Variants in GIPC2 observed in about 807,000 individuals in gnomAD.
GIPC2 encodes PDZ domain-containing protein GIPC2.
Under a neutral mutation model 30.6 loss-of-function variants are expected in GIPC2, and 30 were observed. That is an observed-to-expected ratio of 0.98 (90% confidence interval 0.73 to 1.33). The LOEUF is 1.33. Among genes scored for constraint, GIPC2 ranks in the 40% most tolerant of loss-of-function variants. The pLI, the probability that GIPC2 is intolerant of heterozygous loss-of-function variation, is 0.00. For missense variants in GIPC2, 414 were observed against 390.3 expected, an observed-to-expected ratio of 1.06 and a Z score of -0.51; for synonymous variants, 167 against 150.0, an observed-to-expected ratio of 1.11 and a Z score of -0.83.
chr1:78,077,976 C>T (rs1033552307), intron 1 of GIPC2, among the ~76,000 whole-genome samples: 1 of 151,822 alleles, frequency 6.6e-6, no homozygotes, highest in Non-Finnish European at 1.5e-5. Context: ...ATCACGAGGT[C>T]AGGAGATCGA....
intron 5 of GIPC2, among the ~76,000 whole-genome samples, chr1:78,131,148 T>G (rs1042460085): frequency 7.9e-5 from 7 of 88,948 alleles, no homozygotes; most frequent in African/African-American, 2.8e-4. Flanking sequence ...ATCTATTTTT[T>G]TCTTTTTTTC....
intron 3 of GIPC2, among the ~76,000 whole-genome samples, chr1:78,113,359 C>G (rs920960492): frequency 1.3e-5 from 2 of 152,134 alleles, no homozygotes; most frequent in African/African-American, 4.8e-5. Context: ...CAGGCATGTC[C>G]CATCATGCCT....
At chr1:78,135,515 A>C (rs1219070072) in intron 5 of GIPC2, 77 bp from the exon 6 acceptor site, 1 of 817,750 alleles carries the variant, frequency 1.2e-6, no homozygotes, top group African/African-American at 1.7e-5. Flanking sequence ...TTAGCAAGTA[A>C]TTTTCCTGTT....
intron 4 of GIPC2, among the ~76,000 whole-genome samples, chr1:78,122,458 G>A (rs529439586): frequency 1.2e-4 from 18 of 152,228 alleles, no homozygotes; most frequent in African/African-American, 4.3e-4. Context: ...TCACATTTCC[G>A]CATGGCTGGG....
At chr1:78,091,585 C>A (rs1407951903) in intron 2 of GIPC2, 4 of 760,218 alleles carry the variant, frequency 5.3e-6, no homozygotes. Flanking sequence ...CCAAGTCCTT[C>A]GCGATCTTCT....
intron 1 of GIPC2, among the ~76,000 whole-genome samples, chr1:78,059,886 A>C (rs1392901745): frequency 6.6e-6 from 1 of 152,266 alleles, no homozygotes; most frequent in Non-Finnish European, 1.5e-5. Flanking sequence ...GCACTCTGTG[A>C]ATTAGAGATT....
At position 78,135,755 on chromosome 1, in the gene GIPC2, C is replaced by T. The variant is rs1183146482; in HGVS notation, c.*12C>T. ...GAAGAGGATTATGATGTGTACACTC[C>T]ATCTCTGAAGAAACAACCCATCGTT... On this transcript the variant is annotated 3_prime_UTR_variant, in exon 6 of 6. Transcript: ENST00000370759. The T allele has an allele frequency of 3.8e-6, 6 of 1,598,118 alleles. No homozygotes were observed. Among genetic ancestry groups the T allele is most frequent in the South Asian group, 3.5e-5 (3 of 86,726 alleles).
At chr1:78,073,105 G>A (rs1287606709) in intron 1 of GIPC2, among the ~76,000 whole-genome samples, 1 of 149,734 alleles carries the variant, frequency 6.7e-6, no homozygotes, top group African/African-American at 2.5e-5. Flanking sequence ...CACCATGCCC[G>A]GCCTTTTTTT....
intron 1 of GIPC2, among the ~76,000 whole-genome samples, chr1:78,059,341 C>T (rs1661351382): frequency 6.6e-6 from 1 of 152,194 alleles, no homozygotes; most frequent in South Asian, 2.1e-4. Context: ...CCAGTGTCAT[C>T]TTTATGTACA....
chr1:78,088,704 T>C (rs534432229), intron 2 of GIPC2, among the ~76,000 whole-genome samples: 1 of 152,076 alleles, frequency 6.6e-6, no homozygotes, highest in Admixed American at 6.5e-5. Flanking sequence ...ATTAGCTGGG[T>C]ATAGTGGCAT....
At chr1:78,046,384 GCGCCGCGCGTA>G (rs1661086519) in intron 1 of GIPC2, 50 bp downstream of exon 1, 3 of 1,488,856 alleles carry the variant, frequency 2.0e-6, no homozygotes, top group Non-Finnish European at 2.8e-6. Flanking sequence ...GCGCCGCGCC[GCGCCGCGCGTA>G]TTTCTGTGGG....
intron 1 of GIPC2, among the ~76,000 whole-genome samples, chr1:78,059,096 A>G (rs963668924): frequency 6.6e-6 from 1 of 152,198 alleles, no homozygotes; most frequent in Non-Finnish European, 1.5e-5. Context: ...GCCTCTTAGA[A>G]TCACCTTGGT....
At chr1:78,097,129 CA>C (rs1482594792) in intron 3 of GIPC2, among the ~76,000 whole-genome samples, 5 of 152,180 alleles carry the variant, frequency 3.3e-5, no homozygotes, top group African/African-American at 1.2e-4. Context: ...GAGCATATAT[CA>C]GGGGGTACTT....
chr1:78,051,514 T>A (rs767069103), intron 1 of GIPC2, among the ~76,000 whole-genome samples: 1 of 152,160 alleles, frequency 6.6e-6, no homozygotes, highest in Non-Finnish European at 1.5e-5. Flanking sequence ...TATTCTTTTT[T>A]TTTTGAAATG....
At chr1:78,100,926 T>TC (rs1553143114) in intron 3 of GIPC2, among the ~76,000 whole-genome samples, 2 of 18,066 alleles carry the variant, frequency 1.1e-4, no homozygotes, top group African/African-American at 6.8e-4. Context: ...TGAGACCCTG[T>TC]CAAAAAAAAA....
At chr1:78,056,304 C>T (rs1430955077) in intron 1 of GIPC2, among the ~76,000 whole-genome samples, 1 of 151,940 alleles carries the variant, frequency 6.6e-6, no homozygotes, top group Non-Finnish European at 1.5e-5. Flanking sequence ...GGTGAAACCC[C>T]GTCTCCACAA....
Position 78,046,192 on chromosome 1 carries a change from C to A in GIPC2, c.98C>A (p.Ser33Ter). The change falls in exon 1 of 6, where the codon TCA becomes TAA. Residue 33 changes from serine (S) to a stop codon, truncating the protein, a stop_gained. Transcript: ENST00000370759. LOFTEE classifies it high-confidence loss of function. Reference protein sequence around the residue: ...EPTGAGGGSLSASRAPARRLV... With the variant: ...EPTGAGGGSL ...ACGGGCGCGGGCGGCGGGAGCCTCT[C>A]AGCGTCCCGGGCTCCCGCACGCAGG... 1.3e-6 allele frequency: 2 copies of A among 1,580,410 alleles called. No homozygotes were observed. The highest frequency in any genetic ancestry group is 1.1e-5 in the South Asian group (1 of 87,444).
chr1:78,117,268 T>C (rs1263621720), intron 3 of GIPC2, among the ~76,000 whole-genome samples: 1 of 152,226 alleles, frequency 6.6e-6, no homozygotes, highest in Non-Finnish European at 1.5e-5. Flanking sequence ...ATGAGAGCTT[T>C]GCACAGACCT....
At chr1:78,095,862 C>T (rs911298571) in intron 3 of GIPC2, among the ~76,000 whole-genome samples, 3 of 152,114 alleles carry the variant, frequency 2.0e-5, no homozygotes, top group Non-Finnish European at 4.4e-5. Flanking sequence ...TCATCATGAC[C>T]CCACGCACCC....
Sources: allele counts gnomAD v4.1 joint callset (sites outside exome capture counted in the v4.1 genomes callset), GRCh38; gene constraint gnomAD v4.1.1; transcripts MANE v1.5; gene names NCBI Gene and HGNC (gene_info 2026-07-23, HGNC 2026-07-21).